ZNF638: variants seen among roughly 807,000 people sequenced by gnomAD.
ZNF638 encodes CTCL tumor antigen se33-1.
A neutral mutation model predicts 195.6 loss-of-function variants in ZNF638; 46 were observed. The observed-to-expected ratio is 0.24, with a 90% CI of 0.19 to 0.30. The LOEUF (loss-of-function observed/expected upper bound fraction) is 0.30, where lower values mean the gene tolerates loss of function less well. Ranked by LOEUF, ZNF638 falls within the 10% of genes least tolerant of loss-of-function variation. The probability of loss-of-function intolerance (pLI) is 1.00; values close to 1 mark genes in which losing one functional copy is unlikely to be tolerated. For synonymous variants in ZNF638, 845 were observed against 772.0 expected (o/e 1.09, Z -1.57); for missense variants, 2,440 against 2,325.3 (o/e 1.05, Z -1.01).
intron 20 of ZNF638, chr2:71,418,120 A>ATATCAGATAAATACTTAAAATATT (rs2080342267): frequency 6.6e-6 from 1 of 152,292 alleles, no homozygotes; most frequent in African/African-American, 2.4e-5. Flanking sequence ...TGGGACCCAC[A>ATATCAGATAAATACTTAAAATATT]TATCAGATAA....
chr2:71,341,027 C>T (rs1030304578), intron 1 of ZNF638, among the ~76,000 whole-genome samples: 1 of 152,144 alleles, frequency 6.6e-6, no homozygotes, highest in Non-Finnish European at 1.5e-5. Flanking sequence ...ATAAAGTCTG[C>T]CCATATCTGT....
chr2:71,349,359 T>C lies in ZNF638; in HGVS notation c.405T>C (p.Tyr135=). 3 of 1,614,156 alleles carry C rather than the reference T, an allele frequency of 1.9e-6. No homozygotes were observed. The highest frequency in any genetic ancestry group is 2.2e-5 in the South Asian group (2 of 91,082). The change falls in exon 2 of 28, where the codon TAT becomes TAC. Residue 135 remains tyrosine (Y), a synonymous_variant. Transcript: ENST00000264447. Reference sequence around the variant, plus strand: ...AGAGTCCCAAAGTACAGAGCCGCTATACAAAAGAGAGTGCCTCAAGTATCT... The same window carrying C: ...AGAGTCCCAAAGTACAGAGCCGCTACACAAAAGAGAGTGCCTCAAGTATCT... ...TEQSPKVQSR[Y]TKESASSILA...
intron 1 of ZNF638, 138 bp downstream of exon 1, chr2:71,332,013 A>T: frequency 3.8e-5 from 27 of 709,350 alleles, no homozygotes; most frequent in Non-Finnish European, 4.5e-5. Flanking sequence ...GGCGGCGGGC[A>T]GACGGCGGGG....
chr2:71,426,604 T>G lies in ZNF638; in HGVS notation c.4735T>G (p.Leu1579Val). The G allele has an allele frequency of 6.2e-7, 1 of 1,614,110 alleles. No individual in the cohort carries two copies. The highest frequency in any genetic ancestry group is 2.2e-5 in the East Asian group (1 of 44,870). The change falls in exon 24 of 28, where the codon TTA becomes GTA. Residue 1579 changes from leucine (L) to valine (V), a missense_variant. Coordinates refer to ENST00000264447, the MANE Select transcript of ZNF638 (RefSeq NM_014497.5). ...AAATGTTCCTTTCTCTGAACTTAAC[T>G]TAAAGAAGAAAAAGGGGAAAACTTC... is the stretch of plus-strand genomic sequence containing the variant. ...LKNVPFSELN[L>V]KKKKGKTSTP...
At chr2:71,386,720 A>G (rs1361143998) in intron 10 of ZNF638, among the ~76,000 whole-genome samples, 1 of 152,222 alleles carries the variant, frequency 6.6e-6, no homozygotes, top group East Asian at 1.9e-4. Context: ...CTAATATTAA[A>G]TAGTCCATTT....
At chr2:71,391,681 C>G (rs891076609) in intron 10 of ZNF638, among the ~76,000 whole-genome samples, 3 of 152,206 alleles carry the variant, frequency 2.0e-5, no homozygotes, top group African/African-American at 7.2e-5. Flanking sequence ...TAGCAACTTA[C>G]ATACCTTAAA....
chr2:71,400,828 CAGT>C (rs1247831883), intron 15 of ZNF638, among the ~76,000 whole-genome samples: 2 of 152,196 alleles, frequency 1.3e-5, no homozygotes, highest in African/African-American at 4.8e-5. Context: ...AAATTAGAAT[CAGT>C]AGAATTTTGT....
At chr2:71,399,182 A>AT (rs1236062310) in intron 12 of ZNF638, among the ~76,000 whole-genome samples, 1 of 152,148 alleles carries the variant, frequency 6.6e-6, no homozygotes, top group Non-Finnish European at 1.5e-5. Context: ...GAAATGGAAC[A>AT]CTATTTAAAA....
At chr2:71,411,452 TA>T (rs773305426) in intron 20 of ZNF638, among the ~76,000 whole-genome samples, 1,832 of 92,330 alleles carry the variant, frequency 0.02, 22 homozygotes, top group Admixed American at 0.033. Context: ...TTTTTTTATT[TA>T]TTTTTTATTT....
chr2:71,428,113 G>A (rs1215405958), intron 24 of ZNF638, among the ~76,000 whole-genome samples: 5 of 152,112 alleles, frequency 3.3e-5, no homozygotes, highest in African/African-American at 4.8e-5. Context: ...GATCGCTTGA[G>A]CCCAGAAGGT....
chr2:71,378,964 A>C (rs1316445017), intron 8 of ZNF638, among the ~76,000 whole-genome samples: 1 of 152,188 alleles, frequency 6.6e-6, no homozygotes, highest in Non-Finnish European at 1.5e-5. Flanking sequence ...CATACGTTGT[A>C]AACTTTTAGA....
intron 1 of ZNF638, among the ~76,000 whole-genome samples, chr2:71,344,685 T>C (rs2078822231): frequency 6.6e-6 from 1 of 152,130 alleles, no homozygotes; most frequent in South Asian, 2.1e-4. Context: ...TTTATTCCCT[T>C]GAATTGATTG....
intron 23 of ZNF638, among the ~76,000 whole-genome samples, chr2:71,425,387 T>C (rs2080518905): frequency 6.6e-6 from 1 of 152,194 alleles, no homozygotes; most frequent in African/African-American, 2.4e-5. Context: ...TTGTGGCTAC[T>C]TCAGTTTGCT....
chr2:71,428,487 T>C (rs1344945533), intron 24 of ZNF638, 60 bp from the exon 25 acceptor site: 6 of 1,466,310 alleles, frequency 4.1e-6, no homozygotes, highest in Admixed American at 2.0e-5. Context: ...ATAATATGTT[T>C]AATTTAAAGC....
chr2:71,424,155 G>T, intron 22 of ZNF638, 117 bp downstream of exon 22: 13 of 1,350,932 alleles, frequency 9.6e-6, no homozygotes, highest in Non-Finnish European at 1.2e-5. Context: ...ACTCTACCCC[G>T]GAAGCTCCCA....
intron 10 of ZNF638, among the ~76,000 whole-genome samples, chr2:71,384,863 A>T (rs914333024): frequency 6.6e-6 from 1 of 152,244 alleles, no homozygotes; most frequent in African/African-American, 2.4e-5. Context: ...AAAGTGATTT[A>T]CACCATTCAG....
Position 71,357,354 on chromosome 2 carries a change from G to C in ZNF638, c.1379+1574G>C, listed in dbSNP as rs2079040458. On this transcript the variant is annotated intron_variant, in intron 3 of 27. Coordinates refer to ENST00000264447, the MANE Select transcript of ZNF638 (RefSeq NM_014497.5). ...TCTTTTGCACTAAGACTGGAAATTG[G>C]GGTTACTATCCTATATAGATGCTGT... Among the ~76,000 whole-genome samples the C allele has an allele frequency of 2.0e-5, 3 of 152,074 alleles. No homozygotes were observed. The South Asian group carries it at 6.2e-4, about 31-fold the overall frequency.
In ZNF638 at chr2:71,427,142, A is replaced by G. The variant is rs1165773339; in HGVS notation, c.5273A>G (p.Asp1758Gly). Residue 1758 changes from aspartate (D) to glycine (G), a missense_variant, in exon 24 of 28, where the codon GAT (aspartate) becomes GGT (glycine). Asp to Gly is a moderately conservative substitution (Grantham distance 94). Around this residue, in one of 5 missense-constraint regions of ZNF638, gnomAD observed 1,883 missense variants for 1,739.1 expected, o/e 1.08. Coordinates refer to ENST00000264447, the MANE Select transcript of ZNF638 (RefSeq NM_014497.5). ...LVTLDEVTEEDEDSLADFNNL... is the reference protein window; with the variant it reads ...LVTLDEVTEEGEDSLADFNNL... ...ACTTTGGATGAAGTAACTGAAGAGG[A>G]TGAAGACTCTCTGGCGGATTTTAAC... 6.2e-7 allele frequency: 1 copy of G among 1,613,734 alleles called. No homozygotes were observed. Among genetic ancestry groups the G allele is most frequent in the Non-Finnish European group, 8.5e-7 (1 of 1,179,888 alleles).
At chr2:71,385,093 C>A (rs1312321820) in intron 10 of ZNF638, among the ~76,000 whole-genome samples, 1 of 152,198 alleles carries the variant, frequency 6.6e-6, no homozygotes, top group Non-Finnish European at 1.5e-5. Flanking sequence ...GACAAAGACA[C>A]TACACACCTA....
Sources: allele counts gnomAD v4.1 joint callset (sites outside exome capture counted in the v4.1 genomes callset), GRCh38; gene constraint gnomAD v4.1.1; regional missense constraint gnomAD v4.1.1; transcripts MANE v1.5; gene names NCBI Gene and HGNC (gene_info 2026-07-23, HGNC 2026-07-21).